Variants in AACS observed in about 807,000 individuals in gnomAD.
AACS encodes acetoacetyl-CoA synthetase, also known as acetoacetate-CoA ligase.
AACS carries 69 observed loss-of-function variants against 83.1 expected under a neutral mutation model. That is an observed-to-expected ratio of 0.83 (90% CI 0.68 to 1.01). The LOEUF (loss-of-function observed/expected upper bound fraction) is 1.01, where lower values mean the gene tolerates loss of function less well. Ranked by LOEUF, AACS falls within the 50% of genes least tolerant of loss-of-function variation. The pLI, the probability that AACS is intolerant of heterozygous loss-of-function variation, is 0.00. For synonymous variants in AACS, 333 were observed against 343.4 expected, an observed-to-expected ratio of 0.97 and a Z score of 0.33; for missense variants, 866 against 882.2, an observed-to-expected ratio of 0.98 and a Z score of 0.23.
intron 1 of AACS, among the ~76,000 whole-genome samples, chr12:125,072,276 C>T (rs1307913656): frequency 1.3e-5 from 2 of 151,958 alleles, no homozygotes; most frequent in Non-Finnish European, 2.9e-5. Flanking sequence ...TCTCAGCTGT[C>T]CCTGCCCCAG....
rs1361125869 is a variant in AACS at position 125,118,626 on chromosome 12, C to T, written c.997-15C>T. 1.9e-6 allele frequency: 3 copies of T among 1,613,904 alleles called. No individual in the cohort carries two copies. The highest frequency in any genetic ancestry group is 2.5e-6 in the Non-Finnish European group (3 of 1,179,906). On this transcript the variant is annotated splice_polypyrimidine_tract_variant and intron_variant, in intron 9 of 17. Transcript: ENST00000316519. ...CCTAGCGCCCGCTGAAGCCGCATCC[C>T]TCCTGTCTTTGCAGGTCGGCTGGAT...
At chr12:125,128,496 G>A (rs1957281100) in intron 13 of AACS, 1 of 406,360 alleles carries the variant, frequency 2.5e-6, no homozygotes, top group Non-Finnish European at 4.4e-6. Flanking sequence ...CTGGAGGACA[G>A]GTGGAGAGAT....
chr12:125,111,089 AG>A (rs1182599797), intron 8 of AACS, among the ~76,000 whole-genome samples: 1 of 152,214 alleles, frequency 6.6e-6, no homozygotes, highest in African/African-American at 2.4e-5. Flanking sequence ...TATTTCTAGC[AG>A]TTACACTGGC....
intron 12 of AACS, 105 bp downstream of exon 12, chr12:125,125,129 G>A: frequency 6.5e-7 from 1 of 1,528,314 alleles, no homozygotes; most frequent in Non-Finnish European, 8.9e-7. Flanking sequence ...CAGTCCGCTG[G>A]GCAGCCAATA....
At chr12:125,093,268 C>A (rs1592963940) in intron 5 of AACS, among the ~76,000 whole-genome samples, 1 of 152,222 alleles carries the variant, frequency 6.6e-6, no homozygotes, top group Non-Finnish European at 1.5e-5. Flanking sequence ...GCCTCCTCCC[C>A]CTGGAGAGGT....
intron 3 of AACS, among the ~76,000 whole-genome samples, chr12:125,077,532 A>C (rs1318962748): frequency 6.6e-6 from 1 of 151,216 alleles, no homozygotes; most frequent in Non-Finnish European, 1.5e-5. Context: ...AAAAAATTGT[A>C]TGTTCAGCAA....
At chr12:125,116,970 A>G (rs1957064790) in intron 9 of AACS, among the ~76,000 whole-genome samples, 1 of 150,782 alleles carries the variant, frequency 6.6e-6, no homozygotes, top group African/African-American at 2.4e-5. Flanking sequence ...TTCTTTTGAC[A>G]GTCTCACTCT....
intron 1 of AACS, among the ~76,000 whole-genome samples, chr12:125,066,675 C>T (rs1460319992): frequency 1.3e-5 from 2 of 152,074 alleles, no homozygotes; most frequent in Non-Finnish European, 2.9e-5. Flanking sequence ...TCTCGAACTC[C>T]TGACCTCAGG....
chr12:125,079,668 C>T (rs1217979724), intron 3 of AACS, among the ~76,000 whole-genome samples: 1 of 152,250 alleles, frequency 6.6e-6, no homozygotes, highest in East Asian at 1.9e-4. Flanking sequence ...GGATTATAGG[C>T]ATGAGCCACT....
In AACS at chr12:125,094,131, C is replaced by A. The variant is rs1168174580; in HGVS notation, c.570+2608C>A. On this transcript the variant is annotated intron_variant, in intron 5 of 17. Coordinates refer to ENST00000316519, the MANE Select transcript of AACS (RefSeq NM_023928.5). The surrounding 1 kb of genome is among the most constrained non-coding windows in gnomAD (Gnocchi z 4.1). The stretch of plus-strand genomic sequence containing the variant: ...TCCTGGAGTTGCTGATGAGGTGGGG[C>A]TGGAACTGAGCCAAGGCTGATGGGT... Among the ~76,000 whole-genome samples the A allele has an allele frequency of 2.0e-5, 3 of 152,184 alleles. No homozygotes were observed. The highest frequency in any genetic ancestry group is 6.5e-5 in the Admixed American group (1 of 15,276).
intron 2 of AACS, among the ~76,000 whole-genome samples, chr12:125,075,137 G>A (rs1955990873): frequency 6.6e-6 from 1 of 151,552 alleles, no homozygotes; most frequent in South Asian, 2.1e-4. Flanking sequence ...ACCACGCCCA[G>A]CCAATTTTTG....
intron 10 of AACS, 198 bp from the exon 11 acceptor site, chr12:125,124,507 A>G (rs1216466370): frequency 1.6e-6 from 1 of 613,416 alleles, no homozygotes; most frequent in Non-Finnish European, 2.9e-6. Context: ...AATCAGTGTA[A>G]AGAGCAGTCA....
intron 8 of AACS, among the ~76,000 whole-genome samples, chr12:125,109,618 T>C (rs1340320580): frequency 6.6e-6 from 1 of 151,634 alleles, no homozygotes; most frequent in Non-Finnish European, 1.5e-5. Context: ...AGCGCGCTCA[T>C]CAAATTCAGG....
rs370284739 is a variant in AACS at position 125,124,768 on chromosome 12, G to A, written c.1185G>A (p.Pro395=). ...TGCTGGAAGAGAAGGCCATGAAGCC[G>A]GGTGAGTGTGCCTCTTCAGTACTCA... ...LSVLEEKAMK[P]VETHSLQMLH... is the part of the protein sequence containing the mutation. The change falls in exon 11 of 18, where the codon CCG becomes CCA. Residue 395 remains proline (P), a splice_region_variant and synonymous_variant. Coordinates refer to ENST00000316519, the MANE Select transcript of AACS (RefSeq NM_023928.5). 2.3e-5 allele frequency: 37 copies of A among 1,614,070 alleles called. No homozygotes were observed. The highest frequency in any genetic ancestry group is 4.0e-5 in the African/African-American group (3 of 74,912).
At chr12:125,125,264 C>T (rs539476234) in intron 12 of AACS, among the ~76,000 whole-genome samples, 14 of 152,330 alleles carry the variant, frequency 9.2e-5, no homozygotes, top group Admixed American at 7.2e-4. Context: ...CCTCTCACAT[C>T]GATTATAGTC....
Position 125,114,500 on chromosome 12 carries a change from G to A in AACS, c.939G>A (p.Lys313=). The A allele has an allele frequency of 6.2e-7, 1 of 1,613,364 alleles. No homozygotes were observed. Among genetic ancestry groups the A allele is most frequent in the Non-Finnish European group, 8.5e-7 (1 of 1,179,722 alleles). ...SAGGTLIQHL[K]EHLLHGNMTS... is the part of the protein sequence containing the mutation. ...AGGGCACCCTCATCCAGCATCTGAA[G>A]GAGCACCTGCTGCACGGCAACATGA... The change falls in exon 9 of 18, where the codon AAG becomes AAA. Residue 313 remains lysine (K), a synonymous_variant. Coordinates refer to ENST00000316519, the MANE Select transcript of AACS (RefSeq NM_023928.5).
intron 4 of AACS, among the ~76,000 whole-genome samples, chr12:125,088,082 G>C (rs540621611): frequency 1.3e-5 from 2 of 152,112 alleles, no homozygotes; most frequent in Non-Finnish European, 2.9e-5. Flanking sequence ...GTTTGTGTGC[G>C]TGTGTTCTCC....
chr12:125,114,722 G>A, intron 9 of AACS, among the ~76,000 whole-genome samples, 165 bp downstream of exon 9: 1 of 111,640 alleles, frequency 9.0e-6, no homozygotes, highest in Non-Finnish European at 2.1e-5. Context: ...GGGCTTCCCT[G>A]GGTGCCAGCC....
chr12:125,099,515 G>T (rs116138369), intron 5 of AACS, among the ~76,000 whole-genome samples: 1,537 of 152,232 alleles, frequency 0.01, 28 homozygotes, highest in African/African-American at 0.035. Context: ...TTCTAATTTT[G>T]AGAGGCCACA....
Sources: gnomAD v4.1 joint callset for allele counts (sites outside exome capture counted in the v4.1 genomes callset) on GRCh38, gnomAD v4.1.1 for gene constraint, Gnocchi (gnomAD v3.1) non-coding constraint, MANE v1.5 for transcripts, NCBI Gene and HGNC (gene_info 2026-07-23, HGNC 2026-07-21) for gene names.